SLC5A5: variants seen among roughly 807,000 people sequenced by gnomAD.
SLC5A5 encodes the protein sodium/iodide cotransporter.
Under a neutral mutation model 68.6 loss-of-function variants are expected in SLC5A5, and 56 were observed. The observed-to-expected ratio is 0.82, with a 90% confidence interval of 0.66 to 1.02. The LOEUF (loss-of-function observed/expected upper bound fraction) is 1.02, where lower values mean the gene tolerates loss of function less well. Ranked by LOEUF, SLC5A5 falls within the 50% of genes least tolerant of loss-of-function variation. SLC5A5 has a pLI of 0.00. For missense variants in SLC5A5, 807 were observed against 859.8 expected, an observed-to-expected ratio of 0.94 and a Z score of 0.77; for synonymous variants, 398 against 373.0, an observed-to-expected ratio of 1.07 and a Z score of -0.77.
chr19:17,893,626 T>C lies in SLC5A5; in HGVS notation c.1768-87T>C, dbSNP rs531413316. On this transcript the variant is annotated intron_variant, in intron 14 of 14. Transcript: ENST00000222248. ...GTGCACGCCCCGTCCCGCCAGGTCATCAGTAGCCCATCTGGGAGATGAGCT... is the reference window on the plus strand; with the variant it reads ...GTGCACGCCCCGTCCCGCCAGGTCACCAGTAGCCCATCTGGGAGATGAGCT... 26 of 1,365,244 alleles carry C rather than the reference T, an allele frequency of 1.9e-5. No individual in the cohort carries two copies. In the South Asian group the frequency reaches 3.0e-4, roughly 16 times the overall value. The allele number at this position is 1,365,244 out of a possible 1,614,324, so 84.6% of individuals were successfully genotyped here. A position where few individuals can be genotyped will look rare whatever the true frequency, so the allele number is the denominator to read the frequency against.
At position 17,874,683 on chromosome 19, in the gene SLC5A5, G is replaced by A. The variant is rs2094302658; in HGVS notation, c.495G>A (p.Trp165Ter). Residue 165 changes from tryptophan to a stop codon, truncating the protein, a stop_gained, in exon 4 of 15, where the codon TGG (tryptophan) becomes TGA (stop). Transcript: ENST00000222248. LOFTEE classifies it high-confidence loss of function. ...GCATAGTGACCGGGCTGGACATCTG[G>A]GCGTCGCTCCTGTCCACCGGAATTA... ...ILNQVTGLDIWASLLSTGIIC... is the reference protein window; with the variant it reads ...ILNQVTGLDI 1 of 1,614,034 alleles carries A rather than the reference G, an allele frequency of 6.2e-7. No individual in the cohort carries two copies. The highest frequency in any genetic ancestry group is 1.1e-5 in the South Asian group (1 of 91,090).
chr19:17,882,972 C>T lies in SLC5A5; in HGVS notation c.1243-709C>T, dbSNP rs569362478. 8.0e-4 allele frequency among the ~76,000 whole-genome samples: 122 copies of T among 152,206 alleles called. 2 individuals carry two copies. The highest frequency in any genetic ancestry group is 2.4e-3 in the African/African-American group (99 of 41,544). Reference sequence around the variant, plus strand: ...TGCTGGGATTACAGGCGTGAGCCACCGCGCCCAGCTTATATTTTTGTATTT... The same window carrying T: ...TGCTGGGATTACAGGCGTGAGCCACTGCGCCCAGCTTATATTTTTGTATTT... On this transcript the variant is annotated intron_variant, in intron 10 of 14. Coordinates refer to ENST00000222248, the MANE Select transcript of SLC5A5 (RefSeq NM_000453.3).
chr19:17,876,048 G>A lies in SLC5A5; in HGVS notation c.640G>A (p.Gly214Ser). 3 of 1,614,194 alleles carry A rather than the reference G, an allele frequency of 1.9e-6. No individual in the cohort carries two copies. The highest frequency in any genetic ancestry group is 2.2e-5 in the South Asian group (2 of 91,082). ...VVLARGVMLV[G>S]GPRQVLTLAQ... ...CCTGGCACGCGGTGTCATGCTTGTG[G>A]GCGGGCCCCGCCAGGTGCTCACGCT... The change falls in exon 5 of 15, where the codon GGC becomes AGC. Residue 214 changes from glycine (G) to serine (S), a missense_variant. Physicochemically the swap from Gly to Ser is moderately conservative, Grantham distance 56 (BLOSUM62 0). Transcript: ENST00000222248.
intron 3 of SLC5A5, 38 bp from the exon 4 acceptor site, chr19:17,874,626 C>G: frequency 6.2e-7 from 1 of 1,613,870 alleles, no homozygotes; most frequent in South Asian, 1.1e-5. Context: ...GTTTGCGCCC[C>G]GCCCAGGGGC....
chr19:17,875,906 T>A, intron 4 of SLC5A5, 46 bp from the exon 5 acceptor site: 1 of 1,610,066 alleles, frequency 6.2e-7, no homozygotes, highest in Non-Finnish European at 8.5e-7. Flanking sequence ...GAAGGCCAGG[T>A]CCCCCATCTA....
At chr19:17,875,053 G>C (rs888419272) in intron 4 of SLC5A5, among the ~76,000 whole-genome samples, 1 of 152,052 alleles carries the variant, frequency 6.6e-6, no homozygotes, top group Non-Finnish European at 1.5e-5. Flanking sequence ...CCTTGATGGC[G>C]ATATTATCAT....
In SLC5A5 at chr19:17,883,874, G is replaced by C. The variant is rs766500840; in HGVS notation, c.1354G>C (p.Gly452Arg). 1 of 1,584,194 alleles carries C rather than the reference G, an allele frequency of 6.3e-7. No individual in the cohort carries two copies. Among genetic ancestry groups the C allele is most frequent in the South Asian group, 1.1e-5 (1 of 88,356 alleles). ...TPGVLAGLGA[G>R]LALSLWVALG... Reference sequence around the variant, plus strand: ...GGGCGTCCTCGCGGGACTAGGCGCGGGCTTGGCGCTGTCGCTGTGGGTGGC... The same window carrying C: ...GGGCGTCCTCGCGGGACTAGGCGCGCGCTTGGCGCTGTCGCTGTGGGTGGC... Residue 452 changes from glycine (G) to arginine (R), a missense_variant, in exon 12 of 15, where the codon GGC becomes CGC. Physicochemically the swap from Gly to Arg is moderately radical, Grantham distance 125. Transcript: ENST00000222248.
At chr19:17,874,768 C>G (rs367788045) in intron 4 of SLC5A5, 37 bp downstream of exon 4, 1 of 1,597,098 alleles carries the variant, frequency 6.3e-7, no homozygotes, top group African/African-American at 1.3e-5. Flanking sequence ...TACGGGGGAT[C>G]GGGCCCACTG....
At chr19:17,885,624 GC>G (rs202207694) in intron 12 of SLC5A5, among the ~76,000 whole-genome samples, 1 of 151,950 alleles carries the variant, frequency 6.6e-6, no homozygotes, top group East Asian at 1.9e-4. Flanking sequence ...CAAGTGATCT[GC>G]CTGCCTCTGA....
chr19:17,874,560 G>C lies in SLC5A5; in HGVS notation c.475+15G>C. 1.9e-6 allele frequency: 3 copies of C among 1,613,630 alleles called. No individual in the cohort carries two copies. The highest frequency in any genetic ancestry group is 2.5e-6 in the Non-Finnish European group (3 of 1,179,778). On this transcript the variant is annotated intron_variant, in intron 3 of 14. Transcript: ENST00000222248. ...CCTGAACCAAGGTGTGACTCTGGGA[G>C]ATTAGGGAAGCATGTCTGGGAAGAG...
chr19:17,885,033 G>T (rs1386314804), intron 12 of SLC5A5, among the ~76,000 whole-genome samples: 8 of 150,260 alleles, frequency 5.3e-5, no homozygotes, highest in African/African-American at 1.5e-4. Flanking sequence ...TTGGAGCAGG[G>T]TCTTGCTCTG....
intron 7 of SLC5A5, among the ~76,000 whole-genome samples, chr19:17,879,393 C>A (rs2094315460): frequency 6.6e-6 from 1 of 152,158 alleles, no homozygotes; most frequent in African/African-American, 2.4e-5. Flanking sequence ...ATAATGACAG[C>A]TCTGGTCTCC....
intron 1 of SLC5A5, 102 bp downstream of exon 1, chr19:17,872,778 G>C: frequency 2.6e-6 from 2 of 777,050 alleles, no homozygotes; most frequent in Non-Finnish European, 4.5e-6. Flanking sequence ...AGGAGGACGC[G>C]GATGGCACCT....
chr19:17,877,629 C>T (rs1338498329), intron 5 of SLC5A5, 94 bp from the exon 6 acceptor site: 24 of 1,498,382 alleles, frequency 1.6e-5, no homozygotes, highest in East Asian at 9.6e-5. Context: ...CTCCAAATGT[C>T]CCCTATAAGG....
At chr19:17,874,260 A>G (rs1256626344) in intron 2 of SLC5A5, 57 bp downstream of exon 2, 1 of 1,276,922 alleles carries the variant, frequency 7.8e-7, no homozygotes, top group African/African-American at 1.5e-5. Flanking sequence ...AGCCTTCACT[A>G]GCCCGGCCCC....
rs746316637 is a variant in SLC5A5, at chr19:17,880,848, C to CCCCCAGTTCT, written c.970-9_970dup. Reference sequence around the variant, plus strand: ...GGGGTGCAGCTGTCTGGGAGGCTGACCCCCAGTTCTCCCCAGTACATGCCT... The same window carrying CCCCCAGTTCT: ...GGGGTGCAGCTGTCTGGGAGGCTGACCCCCAGTTCTCCCCAGTTCTCCCCAGTACATGCCT... On this transcript the variant is annotated splice_polypyrimidine_tract_variant and intron_variant, in intron 7 of 14. Transcript: ENST00000222248. 18 of 1,596,702 alleles carry CCCCCAGTTCT rather than the reference C, an allele frequency of 1.1e-5. No homozygotes were observed. The highest frequency in any genetic ancestry group is 1.5e-5 in the Non-Finnish European group (18 of 1,165,292).
At chr19:17,878,676 A>C (rs1314207323) in intron 7 of SLC5A5, among the ~76,000 whole-genome samples, 3 of 151,742 alleles carry the variant, frequency 2.0e-5, no homozygotes, top group Non-Finnish European at 4.4e-5. Flanking sequence ...GCTCAGGAGG[A>C]GATGAAACCA....
At chr19:17,889,619 C>T (rs115928842) in intron 13 of SLC5A5, among the ~76,000 whole-genome samples, 42 of 152,104 alleles carry the variant, frequency 2.8e-4, no homozygotes, top group African/African-American at 1.0e-3. Context: ...ACTACAGGTG[C>T]GCGCCAACGT....
chr19:17,872,824 G>T (rs1350921829), intron 1 of SLC5A5, 148 bp downstream of exon 1: 4 of 638,422 alleles, frequency 6.3e-6, no homozygotes, highest in East Asian at 2.7e-5. Context: ...AGGCAGACAC[G>T]TGGGGAGGGT....
Sources: allele counts gnomAD v4.1 joint callset (sites outside exome capture counted in the v4.1 genomes callset), GRCh38; gene constraint gnomAD v4.1.1; transcripts MANE v1.5; gene names NCBI Gene and HGNC (gene_info 2026-07-23, HGNC 2026-07-21).